The following ARHGEF26 variants were observed in gnomAD, a reference collection of about 807,000 sequenced individuals.
ARHGEF26 encodes Rho guanine nucleotide exchange factor (GEF) 26.
Under a neutral mutation model 89.4 loss-of-function variants are expected in ARHGEF26, and 59 were observed. That is an observed-to-expected ratio of 0.66 (90% CI 0.54 to 0.82). The LOEUF is 0.82. ARHGEF26 is among the 40% of genes least tolerant of loss of function. The probability of loss-of-function intolerance (pLI) is 0.00; values close to 1 mark genes in which losing one functional copy is unlikely to be tolerated. For synonymous variants in ARHGEF26, 500 were observed against 428.4 expected (o/e 1.17, Z -2.06); for missense variants, 1,234 against 1,085.6 (o/e 1.14, Z -1.92).
At chr3:154,152,648 A>G (rs137874768) in intron 5 of ARHGEF26, 124 bp from the exon 6 acceptor site, 3 of 615,076 alleles carry the variant, frequency 4.9e-6, no homozygotes, top group East Asian at 3.3e-5. Context: ...TTCTTTTTGT[A>G]CTTTCCAAGA....
intron 10 of ARHGEF26, among the ~76,000 whole-genome samples, chr3:154,222,570 A>G (rs931466389): frequency 1.3e-5 from 2 of 152,252 alleles, no homozygotes; most frequent in Admixed American, 6.5e-5. Flanking sequence ...TTTAAGAGAT[A>G]TAAAGGGTTT....
chr3:154,203,443 G>C (rs180889987), intron 9 of ARHGEF26, among the ~76,000 whole-genome samples: 1 of 152,202 alleles, frequency 6.6e-6, no homozygotes, highest in East Asian at 1.9e-4. Context: ...AGGATAATTT[G>C]ATTTCTTCCT....
Position 154,202,404 on chromosome 3 carries a change from G to A in ARHGEF26, c.1845+7686G>A, listed in dbSNP as rs184352287. Among the ~76,000 whole-genome samples, 21 of 152,242 alleles carry A rather than the reference G, an allele frequency of 1.4e-4. No individual in the cohort carries two copies. The East Asian group carries it at 3.3e-3, about 24-fold the overall frequency. On this transcript the variant is annotated intron_variant, in intron 9 of 14. Transcript: ENST00000465093. ...CCAGTACCATGCTGTTTTGGTTACA[G>A]CCTTGTAGTATAGTTTGAAGTCAGG...
intron 4 of ARHGEF26, among the ~76,000 whole-genome samples, chr3:154,133,058 C>T (rs1321923078): frequency 6.6e-6 from 1 of 151,896 alleles, no homozygotes; most frequent in African/African-American, 2.4e-5. Context: ...ATTGCAAATG[C>T]CTGCCTCCTG....
intron 12 of ARHGEF26, among the ~76,000 whole-genome samples, chr3:154,243,266 C>T (rs961599424): frequency 6.6e-6 from 1 of 152,144 alleles, no homozygotes; most frequent in East Asian, 1.9e-4. Flanking sequence ...TCCCTTTCCC[C>T]GTATAGTTAG....
chr3:154,223,138 G>A (rs1716244492), intron 10 of ARHGEF26, among the ~76,000 whole-genome samples: 1 of 152,128 alleles, frequency 6.6e-6, no homozygotes, highest in Non-Finnish European at 1.5e-5. Context: ...GAGAAGTTGA[G>A]GTTTCTCAGG....
At chr3:154,253,813 T>C (rs355751) in intron 13 of ARHGEF26, among the ~76,000 whole-genome samples, 110,702 of 152,054 alleles carry the variant, frequency 0.73, 40,472 homozygotes, top group South Asian at 0.77. Context: ...GAACAAAACA[T>C]TGTTATCCTG....
chr3:154,178,426 G>A (rs1712968866), intron 6 of ARHGEF26, among the ~76,000 whole-genome samples: 1 of 152,094 alleles, frequency 6.6e-6, no homozygotes. Flanking sequence ...GCTCTAGGCT[G>A]CCACCAGTCT....
At chr3:154,189,461 C>G (rs1241436548) in intron 7 of ARHGEF26, among the ~76,000 whole-genome samples, 1 of 151,720 alleles carries the variant, frequency 6.6e-6, no homozygotes, top group Admixed American at 6.6e-5. Flanking sequence ...CCTCAGCCTC[C>G]CGTGTAGCTG....
intron 4 of ARHGEF26, among the ~76,000 whole-genome samples, chr3:154,140,496 CT>C (rs898975860): frequency 1.3e-5 from 2 of 151,396 alleles, no homozygotes; most frequent in Admixed American, 6.6e-5. Context: ...CTGACTTGGG[CT>C]TTTTTTTCTT....
chr3:154,173,783 G>A (rs1712622436), intron 6 of ARHGEF26, among the ~76,000 whole-genome samples: 1 of 152,136 alleles, frequency 6.6e-6, no homozygotes, highest in African/African-American at 2.4e-5. Flanking sequence ...GTAGAGTGGA[G>A]GCCTGCAGGT....
At chr3:154,232,314 T>C (rs537753771) in intron 11 of ARHGEF26, among the ~76,000 whole-genome samples, 1 of 152,292 alleles carries the variant, frequency 6.6e-6, no homozygotes, top group East Asian at 1.9e-4. Flanking sequence ...GTGGCAGTCA[T>C]ACTGATGAAT....
At chr3:154,127,639 AAAAT>A (rs1480107693) in intron 3 of ARHGEF26, among the ~76,000 whole-genome samples, 48 of 151,686 alleles carry the variant, frequency 3.2e-4, no homozygotes, top group African/African-American at 1.1e-3. Flanking sequence ...AGTGCACTCT[AAAAT>A]AATGATAAAA....
At chr3:154,252,940 TGCTTATTTTA>T (rs1410522584) in intron 12 of ARHGEF26, among the ~76,000 whole-genome samples, 166 bp from the exon 13 acceptor site, 1 of 152,208 alleles carries the variant, frequency 6.6e-6, no homozygotes, top group Non-Finnish European at 1.5e-5. Flanking sequence ...ACTAGTCTCC[TGCTTATTTTA>T]GACTTTCCAG....
intron 9 of ARHGEF26, among the ~76,000 whole-genome samples, chr3:154,212,260 T>G (rs925365731): frequency 1.3e-5 from 2 of 151,704 alleles, no homozygotes; most frequent in Non-Finnish European, 2.9e-5. Context: ...GAGCCCAGGT[T>G]GTTGATCATG....
At position 154,206,865 on chromosome 3, in the gene ARHGEF26, C is replaced by G. The variant is rs190601849; in HGVS notation, c.1846-11004C>G. On this transcript the variant is annotated intron_variant, in intron 9 of 14. Transcript: ENST00000465093. ...TCACAGTACCTGACTTCAAACTATACTACAGGGCTACAGTATCCAAAACAG... is the reference window on the plus strand; with the variant it reads ...TCACAGTACCTGACTTCAAACTATAGTACAGGGCTACAGTATCCAAAACAG... 9.7e-4 allele frequency among the ~76,000 whole-genome samples: 148 copies of G among 152,276 alleles called. 1 individual carries two copies. The highest frequency in any genetic ancestry group is 1.5e-3 in the Non-Finnish European group (104 of 68,008).
chr3:154,256,627 T>A lies in ARHGEF26; in HGVS notation c.*1154T>A. The A allele has an allele frequency of 9.6e-7, 1 of 1,046,484 alleles. No homozygotes were observed. The allele number at this position is 1,046,484 out of a possible 1,614,324, so 64.8% of individuals were successfully genotyped here. A position where few individuals can be genotyped will look rare whatever the true frequency, so the allele number is the denominator to read the frequency against. On this transcript the variant is annotated 3_prime_UTR_variant, in exon 15 of 15. Transcript: ENST00000465093. The stretch of plus-strand genomic sequence containing the variant: ...TGACGTGAGGCTGCTTTGCCTTCAA[T>A]AATACCTAGTTTTCAGCTGTTCCAA...
chr3:154,167,697 G>A (rs1262864556), intron 6 of ARHGEF26, among the ~76,000 whole-genome samples: 4 of 152,138 alleles, frequency 2.6e-5, no homozygotes, highest in Non-Finnish European at 1.5e-5. Context: ...TTATGTCACA[G>A]TGCAAAATAC....
intron 8 of ARHGEF26, 125 bp from the exon 9 acceptor site, chr3:154,194,519 C>T (rs1714162120): frequency 7.5e-6 from 5 of 670,842 alleles, no homozygotes; most frequent in South Asian, 3.9e-5. Flanking sequence ...ATATTATCCT[C>T]ATACTCATCC....
Sources: gnomAD v4.1 joint callset for allele counts (sites outside exome capture counted in the v4.1 genomes callset) on GRCh38, gnomAD v4.1.1 for gene constraint, MANE v1.5 for transcripts, NCBI Gene and HGNC (gene_info 2026-07-23, HGNC 2026-07-21) for gene names.